Variants in COPB2 observed in about 807,000 individuals in gnomAD.
COPB2 encodes the protein coat protein complex I subunit beta 2.
A neutral mutation model predicts 120.8 loss-of-function variants in COPB2; 16 were observed. The ratio of observed to expected loss-of-function variants is 0.13; its 90% confidence interval spans 0.09 to 0.20. The LOEUF is 0.20. Among genes scored for constraint, COPB2 ranks in the 10% least tolerant of loss-of-function variants. The pLI, the probability that COPB2 is intolerant of heterozygous loss-of-function variation, is 1.00. For missense variants in COPB2, 794 were observed against 1,076.5 expected (o/e 0.74, Z 3.67); for synonymous variants, 332 against 366.3 (o/e 0.91, Z 1.07).
At chr3:139,379,608 T>A (rs911064455) in intron 2 of COPB2, 142 bp from the exon 3 acceptor site, 2 of 644,378 alleles carry the variant, frequency 3.1e-6, no homozygotes, top group Non-Finnish European at 5.2e-6. Flanking sequence ...AGCTCAACAT[T>A]CAAATTTTTA....
intron 14 of COPB2, 67 bp downstream of exon 14, chr3:139,366,948 A>C: frequency 6.4e-7 from 1 of 1,559,370 alleles, no homozygotes; most frequent in Middle Eastern, 1.7e-4. Flanking sequence ...CATTGCTACA[A>C]GCCAGCAACA....
At position 139,359,095 on chromosome 3, in the gene COPB2, T is replaced by C; in HGVS notation, c.2387A>G (p.Asn796Ser). 1 of 1,614,088 alleles carries C rather than the reference T, an allele frequency of 6.2e-7. No individual in the cohort carries two copies. The highest frequency in any genetic ancestry group is 8.5e-7 in the Non-Finnish European group (1 of 1,179,990). ...ESLADPTEYE[N>S]LFPGLKEAFV... ...GGCTTCTTTTAATCCAGGGAACAGG[T>C]TTTCATACTCTGTTGGGTCAGCAAG... is the stretch of plus-strand genomic sequence containing the variant. The change falls in exon 19 of 22, where the codon AAC (asparagine) becomes AGC (serine). Residue 796 changes from asparagine (N) to serine (S), a missense_variant. Around this residue, in one of 3 missense-constraint regions of COPB2, gnomAD observed 178 missense variants for 183.2 expected, o/e 0.97. Transcript: ENST00000333188.
rs1941552440 is a variant in COPB2, at chr3:139,368,103, T to C, written c.1545+42A>G. Reference sequence around the variant, plus strand: ...GTCTGTTGTAAGAATATAAATCATTTAAAAACAAAGCTGAAAGCGAAAGTT... The same window carrying C: ...GTCTGTTGTAAGAATATAAATCATTCAAAAACAAAGCTGAAAGCGAAAGTT... On this transcript the variant is annotated intron_variant, in intron 13 of 21. Transcript: ENST00000333188. 8 of 1,588,612 alleles carry C rather than the reference T, an allele frequency of 5.0e-6. No individual in the cohort carries two copies. In the African/African-American group the frequency reaches 1.1e-4, roughly 22 times the overall value.
intron 1 of COPB2, chr3:139,384,978 T>C (rs1325445545): frequency 9.2e-5 from 14 of 152,378 alleles, no homozygotes; most frequent in South Asian, 2.1e-4. Context: ...CTCTAGTTCA[T>C]AGAATTATCT....
At chr3:139,386,710 A>G (rs1347348532) in intron 1 of COPB2, among the ~76,000 whole-genome samples, 1 of 152,188 alleles carries the variant, frequency 6.6e-6, no homozygotes, top group African/African-American at 2.4e-5. Context: ...GAGGGTTTTC[A>G]TATAAGCCAG....
Position 139,365,704 on chromosome 3 carries a change from G to A in COPB2, c.1884+864C>T, listed in dbSNP as rs577252279. 2.0e-5 allele frequency among the ~76,000 whole-genome samples: 3 copies of A among 152,188 alleles called. No individual in the cohort carries two copies. In the East Asian group the frequency reaches 5.8e-4, roughly 29 times the overall value. On this transcript the variant is annotated intron_variant, in intron 15 of 21. Coordinates refer to ENST00000333188, the MANE Select transcript of COPB2 (RefSeq NM_004766.3). ...AAAGGAGATCTTCAGGAACTCTGGA[G>A]AACCAGCAAAGTCCAGGGAGAATTA...
Position 139,359,107 on chromosome 3 carries a change from G to T in COPB2, c.2375C>A (p.Thr792Lys). The T allele has an allele frequency of 6.2e-7, 1 of 1,614,154 alleles. No homozygotes were observed. The highest frequency in any genetic ancestry group is 2.2e-5 in the East Asian group (1 of 44,872). The change falls in exon 19 of 22, where the codon ACA (threonine) becomes AAA (lysine). Residue 792 changes from threonine (T) to lysine (K), a missense_variant. Thr to Lys is a moderately conservative substitution (Grantham distance 78). Around this residue, in one of 3 missense-constraint regions of COPB2, gnomAD observed 178 missense variants for 183.2 expected, o/e 0.97. Coordinates refer to ENST00000333188, the MANE Select transcript of COPB2 (RefSeq NM_004766.3). ...TCCAGGGAACAGGTTTTCATACTCTGTTGGGTCAGCAAGGGATTCTGCTGC... is the reference window on the plus strand; with the variant it reads ...TCCAGGGAACAGGTTTTCATACTCTTTTGGGTCAGCAAGGGATTCTGCTGC... The part of the protein sequence containing the change: ...QKAAESLADP[T>K]EYENLFPGLK...
intron 3 of COPB2, 96 bp downstream of exon 3, chr3:139,379,284 T>C: frequency 6.4e-7 from 1 of 1,562,678 alleles, no homozygotes. Flanking sequence ...TTGCTGTAAA[T>C]AACAAAACAA....
chr3:139,364,631 A>T (rs1002267919), intron 15 of COPB2, among the ~76,000 whole-genome samples: 2 of 152,248 alleles, frequency 1.3e-5, no homozygotes, highest in Admixed American at 1.3e-4. Context: ...CAGCAGGAAC[A>T]GTGCCTAGCA....
chr3:139,384,534 CAG>C (rs1212302335), intron 1 of COPB2, among the ~76,000 whole-genome samples: 3 of 152,188 alleles, frequency 2.0e-5, no homozygotes, highest in Admixed American at 1.3e-4. Flanking sequence ...TCTGAATAAG[CAG>C]AGTTTCTCAG....
Position 139,359,138 on chromosome 3 carries a change from G to C in COPB2, c.2344C>G (p.Gln782Glu). The change falls in exon 19 of 22, where the codon CAG (glutamine) becomes GAG (glutamate). Residue 782 changes from glutamine (Q) to glutamate (E), a missense_variant. Transcript: ENST00000333188. ...LWRENLSKVN[Q>E]KAAESLADPT... ...TCAGCAAGGGATTCTGCTGCTTTCT[G>C]ATTGACTTTTGAGAGATTCTCTCTC... The C allele has an allele frequency of 3.7e-6, 6 of 1,614,010 alleles. No homozygotes were observed. The highest frequency in any genetic ancestry group is 5.1e-6 in the Non-Finnish European group (6 of 1,180,008).
At position 139,367,056 on chromosome 3, in the gene COPB2, A is replaced by G. The variant is rs767572918; in HGVS notation, c.1635T>C (p.Tyr545=). ...IYTSSVNRLN[Y]YVGGEIVTIA... is the part of the protein sequence containing the mutation. ...TGGTGACTATTTCTCCTCCAACATA[A>G]TAATTTAATCTGTTCACAGAACTTG... The change falls in exon 14 of 22, where the codon TAT becomes TAC. Residue 545 remains tyrosine (Y), a synonymous_variant. Coordinates refer to ENST00000333188, the MANE Select transcript of COPB2 (RefSeq NM_004766.3). 13 of 1,613,628 alleles carry G rather than the reference A, an allele frequency of 8.1e-6. No homozygotes were observed. In the Admixed American group the frequency reaches 2.0e-4, roughly 25 times the overall value.
At position 139,389,602 on chromosome 3, in the gene COPB2, C is replaced by T. The variant is rs779975009; in HGVS notation, c.-52G>A. On this transcript the variant is annotated 5_prime_UTR_variant, in exon 1 of 22. Transcript: ENST00000333188. The stretch of plus-strand genomic sequence containing the variant: ...CCTCGTTTGTTACCGGCTACTCAGG[C>T]CTTGAGATAAACCCACCGATCCACT... 2 of 1,539,534 alleles carry T rather than the reference C, an allele frequency of 1.3e-6. No individual in the cohort carries two copies. The highest frequency in any genetic ancestry group is 2.4e-5 in the East Asian group (1 of 41,672).
At position 139,362,390 on chromosome 3, in the gene COPB2, C is replaced by G. The variant is rs1265474549; in HGVS notation, c.1995+17G>C. Reference sequence around the variant, plus strand: ...GACTTTTCCATCAGTTATGAAAAATCATGAATTAGTACATACCTCTGCTTC... The same window carrying G: ...GACTTTTCCATCAGTTATGAAAAATGATGAATTAGTACATACCTCTGCTTC... On this transcript the variant is annotated intron_variant, in intron 16 of 21. Coordinates refer to ENST00000333188, the MANE Select transcript of COPB2 (RefSeq NM_004766.3). The G allele has an allele frequency of 6.4e-6, 10 of 1,557,598 alleles. No homozygotes were observed. Among genetic ancestry groups the G allele is most frequent in the Non-Finnish European group, 8.8e-6 (10 of 1,138,328 alleles).
chr3:139,371,376 GGGCATGCCAA>G (rs1336684404), intron 10 of COPB2, among the ~76,000 whole-genome samples: 1 of 152,194 alleles, frequency 6.6e-6, no homozygotes, highest in Non-Finnish European at 1.5e-5. Flanking sequence ...ATCACAGGGA[GGGCATGCCAA>G]GGCCTGCCAA....
chr3:139,370,371 C>T (rs73866100), intron 10 of COPB2, among the ~76,000 whole-genome samples: 55 of 152,270 alleles, frequency 3.6e-4, no homozygotes, highest in African/African-American at 1.2e-3. Context: ...CTCAAGATTT[C>T]ACCATGCAAC....
At position 139,373,810 on chromosome 3, in the gene COPB2, T is replaced by TAAAAAGAAC; in HGVS notation, c.752-11_752-3dup. ...TTGAATGCCAAATACGTACTGTTCC[T>TAAAAAGAAC]AAAAAGAACAATGTAAATACTCCCT... On this transcript the variant is annotated splice_polypyrimidine_tract_variant and splice_region_variant and intron_variant, in intron 7 of 21. Coordinates refer to ENST00000333188, the MANE Select transcript of COPB2 (RefSeq NM_004766.3). 1 of 1,613,818 alleles carries TAAAAAGAAC rather than the reference T, an allele frequency of 6.2e-7. No homozygotes were observed. Among genetic ancestry groups the TAAAAAGAAC allele is most frequent in the Non-Finnish European group, 8.5e-7 (1 of 1,179,894 alleles).
intron 21 of COPB2, 25 bp downstream of exon 21, chr3:139,358,175 G>GTCAA: frequency 6.2e-7 from 1 of 1,601,410 alleles, no homozygotes; most frequent in Non-Finnish European, 8.6e-7. Flanking sequence ...GGTAGAGGGA[G>GTCAA]GTTTGAGTAT....
intron 10 of COPB2, among the ~76,000 whole-genome samples, chr3:139,371,315 A>G (rs764947126): frequency 4.2e-4 from 64 of 152,222 alleles, no homozygotes; most frequent in Non-Finnish European, 8.2e-4. Context: ...TCAAACCACA[A>G]CATCACTCCC....
Sources: allele counts gnomAD v4.1 joint callset (sites outside exome capture counted in the v4.1 genomes callset), GRCh38; gene constraint gnomAD v4.1.1; regional missense constraint gnomAD v4.1.1; transcripts MANE v1.5; gene names NCBI Gene and HGNC (gene_info 2026-07-23, HGNC 2026-07-21).